Variants in SCD5 observed in about 807,000 individuals in gnomAD.
SCD5 encodes the protein stearoyl-CoA desaturase 5, also known as acyl-CoA-desaturase 4.
In SCD5, 20 loss-of-function variants were observed where a neutral mutation model predicts 30.4. The observed-to-expected ratio is 0.66, with a 90% CI of 0.46 to 0.96. SCD5 has a LOEUF of 0.96. SCD5 is among the 40% of genes least tolerant of loss of function. The pLI, the probability that SCD5 is intolerant of heterozygous loss-of-function variation, is 0.00. For missense variants in SCD5, 381 were observed against 443.3 expected (o/e 0.86, Z 1.26); for synonymous variants, 173 against 176.4 (o/e 0.98, Z 0.16).
intron 1 of SCD5, among the ~76,000 whole-genome samples, chr4:82,746,549 A>C (rs990525534): frequency 2.0e-5 from 3 of 152,148 alleles, no homozygotes; most frequent in African/African-American, 7.2e-5. Flanking sequence ...GAAGCATATC[A>C]GCTGTACCAA....
rs571934414 is a variant in SCD5, at chr4:82,773,733, C to T, written c.232+24573G>A. 4.6e-5 allele frequency among the ~76,000 whole-genome samples: 7 copies of T among 152,276 alleles called. No homozygotes were observed. In the East Asian group the frequency reaches 1.2e-3, roughly 25 times the overall value. ...CCAGTTGTGACATTCAAACACATTT[C>T]TAGACATTGCCAAATGCCTCTTGGG... On this transcript the variant is annotated intron_variant, in intron 1 of 4. Coordinates refer to ENST00000319540, the MANE Select transcript of SCD5 (RefSeq NM_001037582.3).
chr4:82,757,624 G>T (rs773453281), intron 1 of SCD5, among the ~76,000 whole-genome samples: 4 of 152,204 alleles, frequency 2.6e-5, no homozygotes, highest in Non-Finnish European at 2.9e-5. Flanking sequence ...AAGGACTCTG[G>T]AGTGAAAGTG....
At chr4:82,761,847 T>C (rs924165697) in intron 1 of SCD5, among the ~76,000 whole-genome samples, 1 of 151,502 alleles carries the variant, frequency 6.6e-6, no homozygotes, top group Non-Finnish European at 1.5e-5. Flanking sequence ...GTTTCTAATC[T>C]CTCTTCCAAA....
intron 2 of SCD5, 69 bp from the exon 3 acceptor site, chr4:82,680,981 C>G: frequency 7.3e-7 from 1 of 1,371,598 alleles, no homozygotes. Context: ...GGGAAGCTTC[C>G]CAGCCTCCCC....
At chr4:82,716,441 A>T (rs60729991) in intron 1 of SCD5, among the ~76,000 whole-genome samples, 7,321 of 151,920 alleles carry the variant, frequency 0.048, 740 homozygotes, top group African/African-American at 0.17. Flanking sequence ...ACATACAGTC[A>T]GCCCTCCTTA....
intron 3 of SCD5, among the ~76,000 whole-genome samples, chr4:82,679,660 C>G (rs12511488): frequency 0.13 from 19,751 of 152,146 alleles, 1,533 homozygotes; most frequent in East Asian, 0.39. Context: ...GTGGAGGAGT[C>G]AGAGACTTTG....
intron 3 of SCD5, among the ~76,000 whole-genome samples, chr4:82,667,805 G>C (rs2148818405): frequency 6.6e-6 from 1 of 152,166 alleles, no homozygotes; most frequent in African/African-American, 2.4e-5. Flanking sequence ...TCATTTTCAG[G>C]GACATTCTCA....
chr4:82,768,014 C>T (rs1411698063), intron 1 of SCD5, among the ~76,000 whole-genome samples: 1 of 152,138 alleles, frequency 6.6e-6, no homozygotes, highest in East Asian at 1.9e-4. Context: ...AAAAAAACAA[C>T]TAAATTTTAA....
At chr4:82,732,933 T>C (rs1720673940) in intron 1 of SCD5, among the ~76,000 whole-genome samples, 1 of 152,136 alleles carries the variant, frequency 6.6e-6, no homozygotes, top group African/African-American at 2.4e-5. Context: ...AAATGTTATT[T>C]TTGTCACTAC....
intron 1 of SCD5, among the ~76,000 whole-genome samples, chr4:82,792,747 TCAAATAA>T (rs1722126209): frequency 6.6e-6 from 1 of 152,266 alleles, no homozygotes; most frequent in South Asian, 2.1e-4. Context: ...GCCCAAATTC[TCAAATAA>T]CTGTCTGCTC....
chr4:82,679,211 A>AAAGG (rs1346340137), intron 3 of SCD5, among the ~76,000 whole-genome samples: 1 of 81,604 alleles, frequency 1.2e-5, no homozygotes, highest in Non-Finnish European at 2.4e-5. Flanking sequence ...AAAAAAAAAA[A>AAAGG]AAAGAAAGAA....
Position 82,798,406 on chromosome 4 carries a change from G to T in SCD5, c.132C>A (p.Asn44Lys). The change falls in exon 1 of 5, where the codon AAC becomes AAA. Residue 44 changes from asparagine (N) to lysine (K), a missense_variant. Asn to Lys is a moderately conservative substitution (Grantham distance 94, BLOSUM62 0). Transcript: ENST00000319540. ...ERPGARGQRQNIVWRNVVLMS... is the reference protein window; with the variant it reads ...ERPGARGQRQKIVWRNVVLMS... The stretch of plus-strand genomic sequence containing the variant: ...TCAGGACGACATTCCTCCAGACGAT[G>T]TTCTGCCGCTGCCCGCGCGCGCCTG... 1 of 1,613,454 alleles carries T rather than the reference G, an allele frequency of 6.2e-7. No individual in the cohort carries two copies. The highest frequency in any genetic ancestry group is 8.5e-7 in the Non-Finnish European group (1 of 1,179,690).
intron 3 of SCD5, chr4:82,660,783 C>T: frequency 6.3e-7 from 1 of 1,593,080 alleles, no homozygotes; most frequent in Non-Finnish European, 8.5e-7. Flanking sequence ...GTCTATGCTT[C>T]ACACCGTTAA....
At chr4:82,698,321 C>T (rs541436986) in intron 2 of SCD5, among the ~76,000 whole-genome samples, 7 of 152,206 alleles carry the variant, frequency 4.6e-5, no homozygotes, top group South Asian at 2.1e-4. Context: ...TCTACACAAC[C>T]GCCACTGCAT....
At chr4:82,687,601 G>GC (rs1728740051) in intron 2 of SCD5, among the ~76,000 whole-genome samples, 1 of 152,124 alleles carries the variant, frequency 6.6e-6, no homozygotes, top group Admixed American at 6.5e-5. Context: ...AAGTGGTGTG[G>GC]CAGTGCCCTC....
At chr4:82,766,768 T>G (rs1721496496) in intron 1 of SCD5, among the ~76,000 whole-genome samples, 1 of 152,204 alleles carries the variant, frequency 6.6e-6, no homozygotes, top group Non-Finnish European at 1.5e-5. Flanking sequence ...GTTTGATTCT[T>G]TCAAGGCTTA....
At chr4:82,650,842 A>G (rs915684399) in intron 3 of SCD5, among the ~76,000 whole-genome samples, 3 of 148,318 alleles carry the variant, frequency 2.0e-5, no homozygotes, top group Non-Finnish European at 4.5e-5. Context: ...TATATATAAG[A>G]TTACATATAA....
chr4:82,711,815 T>A (rs1251687757), intron 1 of SCD5, among the ~76,000 whole-genome samples: 1 of 152,100 alleles, frequency 6.6e-6, no homozygotes, highest in African/African-American at 2.4e-5. Context: ...TTGTTCATTC[T>A]CTGGATTTGA....
At chr4:82,780,534 TC>T (rs993902562) in intron 1 of SCD5, among the ~76,000 whole-genome samples, 1 of 152,136 alleles carries the variant, frequency 6.6e-6, no homozygotes, top group African/African-American at 2.4e-5. Context: ...GAAAAGCACA[TC>T]CCAAAAAGGG....
Sources: allele counts gnomAD v4.1 joint callset (sites outside exome capture counted in the v4.1 genomes callset), GRCh38; gene constraint gnomAD v4.1.1; transcripts MANE v1.5; gene names NCBI Gene and HGNC (gene_info 2026-07-23, HGNC 2026-07-21).